Variants in SEPTIN7 observed in about 807,000 individuals in gnomAD.
SEPTIN7 encodes the protein septin 7, also known as septin-7.
A neutral mutation model predicts 63.3 loss-of-function variants in SEPTIN7; 10 were observed. That is an observed-to-expected ratio of 0.16 (90% CI 0.10 to 0.27). The LOEUF (loss-of-function observed/expected upper bound fraction) is 0.27, where lower values mean the gene tolerates loss of function less well. SEPTIN7 is among the 10% of genes least tolerant of loss of function. The pLI, the probability that SEPTIN7 is intolerant of heterozygous loss-of-function variation, is 1.00. For missense variants in SEPTIN7, 310 were observed against 521.0 expected, an observed-to-expected ratio of 0.59 and a Z score of 3.94; for synonymous variants, 131 against 165.3, an observed-to-expected ratio of 0.79 and a Z score of 1.59.
At position 35,906,476 on chromosome 7, in the gene SEPTIN7, C is replaced by A. The variant is rs1788613128; in HGVS notation, c.*2183C>A. Reference sequence around the variant, plus strand: ...TAAGGAAAGGCCAGCCTGTAGAAAGCAAAATGGCAGTGTCTGTTCTCCACT... The same window carrying A: ...TAAGGAAAGGCCAGCCTGTAGAAAGAAAAATGGCAGTGTCTGTTCTCCACT... On this transcript the variant is annotated 3_prime_UTR_variant, in exon 14 of 14. Transcript: ENST00000350320. The A allele has an allele frequency of 6.6e-6, 1 of 152,200 alleles. No individual in the cohort carries two copies. Among genetic ancestry groups the A allele is most frequent in the African/African-American group, 2.4e-5 (1 of 41,444 alleles). The allele number at this position is 152,200 out of a possible 1,614,324, so 9.4% of individuals were successfully genotyped here.
chr7:35,836,538 G>A (rs1314023570), intron 3 of SEPTIN7, among the ~76,000 whole-genome samples: 1 of 151,998 alleles, frequency 6.6e-6, no homozygotes, highest in Non-Finnish European at 1.5e-5. Context: ...GTGGCAGATT[G>A]GCACTTCTAT....
At chr7:35,839,576 C>T (rs747535673) in intron 3 of SEPTIN7, among the ~76,000 whole-genome samples, 2 of 120,506 alleles carry the variant, frequency 1.7e-5, no homozygotes, top group Non-Finnish European at 3.7e-5. Context: ...ATTTTTGAGA[C>T]AGAGTCTTGC....
At chr7:35,843,998 A>G (rs1257199112) in intron 3 of SEPTIN7, among the ~76,000 whole-genome samples, 1 of 152,206 alleles carries the variant, frequency 6.6e-6, no homozygotes, top group Non-Finnish European at 1.5e-5. Flanking sequence ...GATGGAAATA[A>G]TTACAGCAAT....
At chr7:35,810,816 G>A (rs1263673304) in intron 1 of SEPTIN7, among the ~76,000 whole-genome samples, 1 of 150,486 alleles carries the variant, frequency 6.6e-6, no homozygotes, top group Non-Finnish European at 1.5e-5. Flanking sequence ...GCCCAGGCTG[G>A]AGTGCAGTGG....
intron 9 of SEPTIN7, 80 bp from the exon 10 acceptor site, chr7:35,885,748 C>A: frequency 9.1e-7 from 1 of 1,093,992 alleles, no homozygotes; most frequent in Non-Finnish European, 1.4e-6. Context: ...GTTTTTACAC[C>A]CCAAGTTCCT....
intron 1 of SEPTIN7, among the ~76,000 whole-genome samples, chr7:35,830,215 C>T (rs1200432249): frequency 6.6e-6 from 1 of 151,256 alleles, no homozygotes; most frequent in Non-Finnish European, 1.5e-5. Context: ...ATAAAAAAAG[C>T]AACAAGTGCA....
chr7:35,873,274 A>T (rs1786267411), intron 5 of SEPTIN7, among the ~76,000 whole-genome samples: 3 of 152,006 alleles, frequency 2.0e-5, no homozygotes, highest in South Asian at 2.1e-4. Flanking sequence ...GTCAACTCTT[A>T]AAACTCCCAA....
At chr7:35,830,390 G>A (rs1464942432) in intron 1 of SEPTIN7, among the ~76,000 whole-genome samples, 1 of 152,078 alleles carries the variant, frequency 6.6e-6, no homozygotes, top group South Asian at 2.1e-4. Context: ...GCTTTCATTG[G>A]TACACATTGG....
intron 4 of SEPTIN7, 59 bp downstream of exon 4, chr7:35,863,717 C>T (rs1785642940): frequency 2.3e-6 from 2 of 867,638 alleles, no homozygotes; most frequent in Middle Eastern, 7.1e-4. Context: ...ACACAAAGCA[C>T]ATGTTGTAAC....
At chr7:35,830,222 T>C (rs1583522571) in intron 1 of SEPTIN7, among the ~76,000 whole-genome samples, 1 of 150,242 alleles carries the variant, frequency 6.7e-6, no homozygotes, top group Admixed American at 6.6e-5. Flanking sequence ...AAGCAACAAG[T>C]GCAAAAGCCA....
intron 11 of SEPTIN7, among the ~76,000 whole-genome samples, chr7:35,895,049 T>C (rs1243116191): frequency 6.6e-6 from 1 of 152,180 alleles, no homozygotes; most frequent in African/African-American, 2.4e-5. Flanking sequence ...TTACTAGGCT[T>C]TCTTCATTTC....
chr7:35,837,464 C>T (rs10264211), intron 3 of SEPTIN7, among the ~76,000 whole-genome samples: 62 of 152,106 alleles, frequency 4.1e-4, no homozygotes, highest in African/African-American at 1.3e-3. Context: ...ATAATAACAT[C>T]GTTATAGTTA....
Position 35,850,474 on chromosome 7 carries a change from A to G in SEPTIN7, c.170-13078A>G, listed in dbSNP as rs574796257. 7.2e-5 allele frequency among the ~76,000 whole-genome samples: 11 copies of G among 152,310 alleles called. No individual in the cohort carries two copies. The South Asian group carries it at 2.3e-3, about 32-fold the overall frequency. ...TCTTGCCTCTACTCTAACATGGTAAAACATTCTGAAAGGACTTAAAGATTC... is the reference window on the plus strand; with the variant it reads ...TCTTGCCTCTACTCTAACATGGTAAGACATTCTGAAAGGACTTAAAGATTC... On this transcript the variant is annotated intron_variant, in intron 3 of 13. Coordinates refer to ENST00000350320, the MANE Select transcript of SEPTIN7 (RefSeq NM_001788.6).
chr7:35,863,755 T>A, intron 4 of SEPTIN7, 97 bp downstream of exon 4: 1 of 588,084 alleles, frequency 1.7e-6, no homozygotes, highest in East Asian at 3.2e-5. Context: ...AGAGGTAAGA[T>A]GCAAATTTGT....
In SEPTIN7 at chr7:35,900,906, C is replaced by T. The variant is rs1197004808; in HGVS notation, c.1135-2170C>T. Reference sequence around the variant, plus strand: ...AAGCCATTAGAGAATTAGGCATGCTCATTCTAGATTCTTTGTCTTTTATGA... The same window carrying T: ...AAGCCATTAGAGAATTAGGCATGCTTATTCTAGATTCTTTGTCTTTTATGA... On this transcript the variant is annotated intron_variant, in intron 12 of 13. Coordinates refer to ENST00000350320, the MANE Select transcript of SEPTIN7 (RefSeq NM_001788.6). 4.6e-5 allele frequency: 7 copies of T among 152,172 alleles called. No homozygotes were observed. In the South Asian group the frequency reaches 1.4e-3, roughly 32 times the overall value. The allele number at this position is 152,172 out of a possible 1,614,324, so 9.4% of individuals were successfully genotyped here.
chr7:35,901,817 T>G (rs571868111), intron 12 of SEPTIN7: 1 of 152,116 alleles, frequency 6.6e-6, no homozygotes, highest in Non-Finnish European at 1.5e-5. Context: ...TTAAAAAAAA[T>G]AACTAGAGAC....
At chr7:35,823,062 G>A (rs1262385811) in intron 1 of SEPTIN7, among the ~76,000 whole-genome samples, 1 of 151,898 alleles carries the variant, frequency 6.6e-6, no homozygotes, top group Non-Finnish European at 1.5e-5. Flanking sequence ...TAGCCCTATG[G>A]AGGAATGGGT....
At chr7:35,856,264 C>T (rs537292042) in intron 3 of SEPTIN7, among the ~76,000 whole-genome samples, 2 of 152,256 alleles carry the variant, frequency 1.3e-5, no homozygotes, top group Non-Finnish European at 2.9e-5. Flanking sequence ...TGGCTTCTTT[C>T]GCTCACCAGC....
intron 7 of SEPTIN7, among the ~76,000 whole-genome samples, chr7:35,880,218 CTTTTCT>C (rs1786765262): frequency 3.3e-5 from 3 of 91,482 alleles, no homozygotes; most frequent in African/African-American, 8.8e-5. Flanking sequence ...CTTTTTTTTT[CTTTTCT>C]TTTTTTTTTT....
Sources: allele counts gnomAD v4.1 joint callset (sites outside exome capture counted in the v4.1 genomes callset), GRCh38; gene constraint gnomAD v4.1.1; transcripts MANE v1.5; gene names NCBI Gene and HGNC (gene_info 2026-07-23, HGNC 2026-07-21).